Variants in TMEM25 observed in about 807,000 individuals in gnomAD.
TMEM25 encodes 0610039J01Rik.
TMEM25 carries 36 observed loss-of-function variants against 37.0 expected under a neutral mutation model. That is an observed-to-expected ratio of 0.97 (90% confidence interval 0.75 to 1.28). TMEM25 has a LOEUF of 1.28. Ranked by LOEUF, TMEM25 falls within the 50% of genes most tolerant of loss-of-function variation. The pLI is 0.00. For synonymous variants in TMEM25, 197 were observed against 203.7 expected (o/e 0.97, Z 0.28); for missense variants, 444 against 477.9 (o/e 0.93, Z 0.66).
downstream of TMEM25, among the ~76,000 whole-genome samples, chr11:118,536,259 T>G (rs1951508792): frequency 6.6e-6 from 1 of 151,810 alleles, no homozygotes; most frequent in Admixed American, 6.6e-5. Context: ...AATGGCGTGA[T>G]CTCGGCTCAC....
At chr11:118,544,955 G>C (rs782608683) in intron 8 of TMEM25, 1 of 1,613,822 alleles carries the variant, frequency 6.2e-7, no homozygotes, top group South Asian at 1.1e-5. Flanking sequence ...CAGCTTGGGA[G>C]GTGGAATTGG....
At chr11:118,531,259 C>CG (rs1555057910) in intron 1 of TMEM25, 25 bp downstream of exon 1, 1 of 376,708 alleles carries the variant, frequency 2.7e-6, no homozygotes, top group Non-Finnish European at 4.9e-6. Context: ...TGGCGGGGGG[C>CG]GGGGGCGGGA....
At chr11:118,541,372 G>C (rs1179703109) in intron 8 of TMEM25, among the ~76,000 whole-genome samples, 2 of 150,630 alleles carry the variant, frequency 1.3e-5, no homozygotes, top group Non-Finnish European at 2.9e-5. Flanking sequence ...TGAGGCAGGA[G>C]AATGGCTTGA....
intron 8 of TMEM25, among the ~76,000 whole-genome samples, chr11:118,542,784 A>C (rs895958872): frequency 1.3e-5 from 2 of 152,146 alleles, no homozygotes; most frequent in Admixed American, 6.6e-5. Context: ...GTGGTGGTGC[A>C]TGCCTGTAAT....
chr11:118,532,982 G>A lies in TMEM25; in HGVS notation c.448G>A (p.Val150Ile). 1.2e-6 allele frequency: 2 copies of A among 1,614,248 alleles called. No homozygotes were observed. The highest frequency in any genetic ancestry group is 1.7e-6 in the Non-Finnish European group (2 of 1,180,044). ...AGCTCAGGGCCCAGGCCTCCTGGTT[G>A]TCCTGTTTGCCCTGGTGCGTGCCAA... ...QEAQGPGLLV[V>I]LFALVRANPP... Residue 150 changes from valine to isoleucine, a missense_variant, in exon 4 of 9, where the codon GTC becomes ATC. Coordinates refer to ENST00000313236, the MANE Select transcript of TMEM25 (RefSeq NM_032780.4).
At chr11:118,532,522 C>G (rs782198287) in intron 3 of TMEM25, 61 bp downstream of exon 3, 356 of 1,535,688 alleles carry the variant, frequency 2.3e-4, no homozygotes, top group Non-Finnish European at 3.0e-4. Flanking sequence ...CCAGCACCCA[C>G]CAGGCAGGTG....
At chr11:118,537,072 G>A (rs111837632), downstream of TMEM25, among the ~76,000 whole-genome samples, 609 of 152,296 alleles carry the variant, frequency 4.0e-3, 11 homozygotes, top group Admixed American at 0.031. Flanking sequence ...CAGGCATGGT[G>A]GCTCACGCCT....
downstream of TMEM25, among the ~76,000 whole-genome samples, chr11:118,536,980 T>A (rs1430335902): frequency 2.0e-5 from 3 of 152,062 alleles, no homozygotes; most frequent in African/African-American, 7.2e-5. Flanking sequence ...GTTCAAGGGA[T>A]CCTCCCACCT....
intron 8 of TMEM25, among the ~76,000 whole-genome samples, chr11:118,544,347 A>G (rs1248400058): frequency 2.0e-5 from 3 of 152,188 alleles, no homozygotes; most frequent in African/African-American, 7.2e-5. Flanking sequence ...ATTAAATTCC[A>G]GAGGAAAAAT....
At chr11:118,540,132 C>T (rs1951560013), downstream of TMEM25, among the ~76,000 whole-genome samples, 1 of 151,476 alleles carries the variant, frequency 6.6e-6, no homozygotes. Flanking sequence ...TTGTTTGAGA[C>T]AGAGTCTCGC....
chr11:118,532,292 G>T lies in TMEM25; in HGVS notation c.213G>T (p.Leu71=), dbSNP rs1555059363. The change falls in exon 3 of 9, where the codon CTG becomes CTT. Residue 71 remains leucine, a synonymous_variant. Coordinates refer to ENST00000313236, the MANE Select transcript of TMEM25 (RefSeq NM_032780.4). Reference sequence around the variant, plus strand: ...TGGCCTGGTATCTGGATGGACAGCTGCAGGAGGCCAGCACCTCAAGACTGC... The same window carrying T: ...TGGCCTGGTATCTGGATGGACAGCTTCAGGAGGCCAGCACCTCAAGACTGC... The part of the protein sequence containing the change: ...PRLAWYLDGQ[L]QEASTSRLLS... The T allele has an allele frequency of 1.2e-6, 2 of 1,614,098 alleles. No homozygotes were observed. Among genetic ancestry groups the T allele is most frequent in the Admixed American group, 1.7e-5 (1 of 60,018 alleles).
chr11:118,535,254 CTT>C lies in TMEM25; in HGVS notation c.*677_*678del. 4 of 1,194,428 alleles carry C rather than the reference CTT, an allele frequency of 3.3e-6. 1 individual carries two copies. Among genetic ancestry groups the C allele is most frequent in the Non-Finnish European group, 2.1e-6 (2 of 962,092 alleles). The allele number at this position is 1,194,428 out of a possible 1,614,324, so 74.0% of individuals were successfully genotyped here. ...CTCTACTACTTCACTGGGCACTAGA[CTT>C]TTCTATTGGCCTGTGCCATCGCCCA... On this transcript the variant is annotated 3_prime_UTR_variant, in exon 9 of 9. Transcript: ENST00000313236.
chr11:118,541,857 A>G (rs1555065496), intron 8 of TMEM25, among the ~76,000 whole-genome samples: 1 of 152,192 alleles, frequency 6.6e-6, no homozygotes, highest in Non-Finnish European at 1.5e-5. Context: ...TCCCGGGCTT[A>G]ATCGATCCTC....
chr11:118,543,189 G>A (rs1319375521), intron 8 of TMEM25, among the ~76,000 whole-genome samples: 1 of 152,174 alleles, frequency 6.6e-6, no homozygotes, highest in African/African-American at 2.4e-5. Context: ...GTTGCTGTAA[G>A]CCTCAGTTTT....
intron 5 of TMEM25, 152 bp downstream of exon 5, chr11:118,533,703 C>T: frequency 6.4e-7 from 1 of 1,558,652 alleles, no homozygotes; most frequent in Non-Finnish European, 8.8e-7. Flanking sequence ...TCCCAGGTAG[C>T]AGGGTCAAGC....
rs1402321534 is a variant in TMEM25, at chr11:118,534,782, G to T, written c.*202G>T. 3 of 1,412,204 alleles carry T rather than the reference G, an allele frequency of 2.1e-6. No individual in the cohort carries two copies. Among genetic ancestry groups the T allele is most frequent in the Non-Finnish European group, 2.8e-6 (3 of 1,083,862 alleles). 87.5% of individuals were successfully genotyped at this position (1,412,204 alleles called of 1,614,324 possible). The stretch of plus-strand genomic sequence containing the variant: ...ACCCGCAGGGGCACAGGTATCTTTG[G>T]CAAGGCTACCAGTTGGACGTAAGCC... On this transcript the variant is annotated 3_prime_UTR_variant, in exon 9 of 9. Coordinates refer to ENST00000313236, the MANE Select transcript of TMEM25 (RefSeq NM_032780.4). The surrounding 1 kb of genome is among the most constrained non-coding windows in gnomAD (Gnocchi z 4.6).
chr11:118,534,834 G>A lies in TMEM25; in HGVS notation c.*254G>A. 1 of 1,353,110 alleles carries A rather than the reference G, an allele frequency of 7.4e-7. No individual in the cohort carries two copies. The highest frequency in any genetic ancestry group is 9.5e-7 in the Non-Finnish European group (1 of 1,049,554). The allele number at this position is 1,353,110 out of a possible 1,614,324, so 83.8% of individuals were successfully genotyped here. A position where few individuals can be genotyped will look rare whatever the true frequency, so the allele number is the denominator to read the frequency against. On this transcript the variant is annotated 3_prime_UTR_variant, in exon 9 of 9. Transcript: ENST00000313236. This position sits in a 1 kb window ranked among gnomAD's most constrained non-coding sequence, Gnocchi z 4.6. ...CTCATGCTGACTCAGGGTGGGCCCT[G>A]CATGTGATGACTGGGCCCTTCCAGA...
At chr11:118,536,118 T>A (rs1392216226), downstream of TMEM25, among the ~76,000 whole-genome samples, 1 of 152,108 alleles carries the variant, frequency 6.6e-6, no homozygotes, top group Non-Finnish European at 1.5e-5. Flanking sequence ...CCTCAAGTGA[T>A]CTGCCCACCT....
rs781830759 is a variant in TMEM25, at chr11:118,534,142, C to G, written c.937+13C>G. 1.9e-6 allele frequency: 3 copies of G among 1,613,828 alleles called. No homozygotes were observed. The Admixed American group carries it at 5.0e-5, about 27-fold the overall frequency. ...CCAGATTCCAGAGGTATATCTAGGG[C>G]CCTGCTCTTTGCCCCTGCTTAATCT... On this transcript the variant is annotated intron_variant, in intron 7 of 8. Coordinates refer to ENST00000313236, the MANE Select transcript of TMEM25 (RefSeq NM_032780.4). This position sits in a 1 kb window ranked among gnomAD's most constrained non-coding sequence, Gnocchi z 4.6.
Sources: gnomAD v4.1 joint callset for allele counts (sites outside exome capture counted in the v4.1 genomes callset) on GRCh38, gnomAD v4.1.1 for gene constraint, Gnocchi (gnomAD v3.1) non-coding constraint, MANE v1.5 for transcripts, NCBI Gene and HGNC (gene_info 2026-07-23, HGNC 2026-07-21) for gene names.